EGLN3: variants seen among roughly 807,000 people sequenced by gnomAD.
The protein encoded by EGLN3 is prolyl hydroxylase EGLN3.
A neutral mutation model predicts 26.0 loss-of-function variants in EGLN3; 15 were observed. The observed-to-expected ratio is 0.58, with a 90% CI of 0.39 to 0.89. The LOEUF (loss-of-function observed/expected upper bound fraction) is 0.89. Among genes scored for constraint, EGLN3 ranks in the 40% least tolerant of loss-of-function variants. The pLI, the probability that EGLN3 is intolerant of heterozygous loss-of-function variation, is 0.00. For synonymous variants in EGLN3, 147 were observed against 127.2 expected (o/e 1.16, Z -1.05); for missense variants, 238 against 311.6 (o/e 0.76, Z 1.78).
At chr14:33,934,477 A>AAAC (rs1325433020) in intron 1 of EGLN3, among the ~76,000 whole-genome samples, 1 of 151,680 alleles carries the variant, frequency 6.6e-6, no homozygotes, top group Non-Finnish European at 1.5e-5. Context: ...AAAAAAAAAA[A>AAAC]AAAAACCTAT....
chr14:33,950,223 C>T (rs2064547380), intron 1 of EGLN3, 173 bp downstream of exon 1: 3 of 660,820 alleles, frequency 4.5e-6, no homozygotes, highest in Admixed American at 2.3e-5. Context: ...GACTTTCGCT[C>T]AGAGGAGCTG....
At chr14:33,947,142 G>A (rs1295720709) in intron 1 of EGLN3, among the ~76,000 whole-genome samples, 4 of 152,124 alleles carry the variant, frequency 2.6e-5, no homozygotes, top group Non-Finnish European at 4.4e-5. Flanking sequence ...TACATTCTCT[G>A]GAAAACAGCC....
intron 1 of EGLN3, chr14:33,949,848 G>GGCAGAA (rs1054441912): frequency 1.3e-4 from 22 of 173,382 alleles, no homozygotes; most frequent in African/African-American, 5.2e-4. Flanking sequence ...GGTCCCAGGG[G>GGCAGAA]GCAGAAGCAG....
At chr14:33,935,157 G>A (rs1260261790) in intron 1 of EGLN3, among the ~76,000 whole-genome samples, 1 of 152,196 alleles carries the variant, frequency 6.6e-6, no homozygotes, top group Non-Finnish European at 1.5e-5. Flanking sequence ...TCTGTAAAAT[G>A]GGTTTATGCA....
chr14:33,926,003 G>T, intron 4 of EGLN3, 81 bp from the exon 5 acceptor site: 1 of 1,414,654 alleles, frequency 7.1e-7, no homozygotes, highest in Non-Finnish European at 1.0e-6. Context: ...TCACCAAAAA[G>T]CCTCCAGTAA....
chr14:33,926,638 C>G (rs1463716430), intron 4 of EGLN3, among the ~76,000 whole-genome samples: 1 of 152,148 alleles, frequency 6.6e-6, no homozygotes, highest in Non-Finnish European at 1.5e-5. Context: ...CATTATATTT[C>G]CTTTGCAATA....
At position 33,924,473 on chromosome 14, in the gene EGLN3, A is replaced by G. The variant is rs917889995; in HGVS notation, c.*1418T>C. 2.0e-5 allele frequency: 3 copies of G among 152,208 alleles called. No individual in the cohort carries two copies. The highest frequency in any genetic ancestry group is 4.4e-5 in the Non-Finnish European group (3 of 68,044). 9.4% of individuals were successfully genotyped at this position (152,208 alleles called of 1,614,324 possible). A position where few individuals can be genotyped will look rare whatever the true frequency, so the allele number is the denominator to read the frequency against. On this transcript the variant is annotated 3_prime_UTR_variant, in exon 5 of 5. Coordinates refer to ENST00000250457, the MANE Select transcript of EGLN3 (RefSeq NM_022073.4). ...GAGCAGTCGTTGAGAATTAATGGTGACATGTCTTATCTGGAAATTTTCCAA... is the reference window on the plus strand; with the variant it reads ...GAGCAGTCGTTGAGAATTAATGGTGGCATGTCTTATCTGGAAATTTTCCAA...
chr14:33,930,592 T>A (rs1318090133), intron 2 of EGLN3, among the ~76,000 whole-genome samples: 2 of 152,202 alleles, frequency 1.3e-5, no homozygotes, highest in Non-Finnish European at 2.9e-5. Flanking sequence ...CACAAAGCCT[T>A]TGGCATTCAC....
intron 3 of EGLN3, among the ~76,000 whole-genome samples, chr14:33,927,595 A>G (rs2064371400): frequency 6.6e-6 from 1 of 152,188 alleles, no homozygotes; most frequent in Non-Finnish European, 1.5e-5. Flanking sequence ...CTGTGATCAG[A>G]TCTTCCTCTG....
chr14:33,930,294 G>A (rs974075403), intron 2 of EGLN3, among the ~76,000 whole-genome samples: 13 of 152,330 alleles, frequency 8.5e-5, no homozygotes, highest in Middle Eastern at 3.4e-3. Flanking sequence ...TTACCAAACA[G>A]GGAGAAGAGA....
chr14:33,925,755 G>T lies in EGLN3; in HGVS notation c.*136C>A. The T allele has an allele frequency of 2.1e-6, 2 of 966,310 alleles. No homozygotes were observed. The highest frequency in any genetic ancestry group is 2.0e-5 in the Admixed American group (1 of 50,064). The allele number at this position is 966,310 out of a possible 1,614,324, so 59.9% of individuals were successfully genotyped here. ...AGAAAACATGAAGTACCACACACAA[G>T]ACAGGGATGTGAAGGATGCAAGAAG... On this transcript the variant is annotated 3_prime_UTR_variant, in exon 5 of 5. Transcript: ENST00000250457.
rs1025296809 is a variant in EGLN3, at chr14:33,950,832, G to T, written c.-80C>A. 5.2e-6 allele frequency: 7 copies of T among 1,334,288 alleles called. No individual in the cohort carries two copies. The highest frequency in any genetic ancestry group is 4.4e-5 in the African/African-American group (3 of 68,578). 82.7% of individuals were successfully genotyped at this position (1,334,288 alleles called of 1,614,324 possible). ...ATCTACACGAGCGCGAAGCCGAGGC[G>T]CGGGGAGCGTGGCCCGGGGTTCAGA... On this transcript the variant is annotated 5_prime_UTR_variant, in exon 1 of 5. Transcript: ENST00000250457.
chr14:33,933,780 G>A (rs779319257), intron 1 of EGLN3, among the ~76,000 whole-genome samples: 3 of 151,786 alleles, frequency 2.0e-5, no homozygotes, highest in Admixed American at 6.6e-5. Context: ...ATTTGTGCAC[G>A]GGGCAGTAAC....
In EGLN3 at chr14:33,950,742, C is replaced by G; in HGVS notation, c.11G>C (p.Gly4Ala). Residue 4 changes from glycine to alanine, a missense_variant, in exon 1 of 5, where the codon GGA becomes GCA. By Grantham distance (60) the Gly-to-Ala change is moderately conservative. Coordinates refer to ENST00000250457, the MANE Select transcript of EGLN3 (RefSeq NM_022073.4). MPL[G>A]HIMRLDLEKI... The stretch of plus-strand genomic sequence containing the variant: ...CTCCAGGTCCAGCCTCATGATGTGT[C>G]CCAGGGGCATCTCGCCCGCAGAATC... The G allele has an allele frequency of 6.2e-7, 1 of 1,603,446 alleles. No homozygotes were observed. Among genetic ancestry groups the G allele is most frequent in the Non-Finnish European group, 8.5e-7 (1 of 1,171,920 alleles).
chr14:33,950,455 T>G lies in EGLN3; in HGVS notation c.298A>C (p.Arg100=). The G allele has an allele frequency of 6.2e-7, 1 of 1,613,626 alleles. No individual in the cohort carries two copies. Among genetic ancestry groups the G allele is most frequent in the Non-Finnish European group, 8.5e-7 (1 of 1,180,016 alleles). ...AISFLLSLID[R]LVLYCGSRLG... is the part of the protein sequence containing the mutation. The stretch of plus-strand genomic sequence containing the variant: ...CGGCTCCCGCAGTAGAGGACCAGCC[T>G]GTCGATGAGGGACAGGAGGAAGCTG... Residue 100 remains arginine (R), a synonymous_variant, in exon 1 of 5, where the codon AGG becomes CGG. Transcript: ENST00000250457.
chr14:33,939,285 A>G (rs1208845593), intron 1 of EGLN3, among the ~76,000 whole-genome samples: 1 of 151,020 alleles, frequency 6.6e-6, no homozygotes, highest in Non-Finnish European at 1.5e-5. Context: ...ATCTCGGCTC[A>G]CTGCAAGCTC....
intron 1 of EGLN3, among the ~76,000 whole-genome samples, chr14:33,940,598 T>A (rs2064475615): frequency 1.3e-5 from 2 of 152,104 alleles, no homozygotes; most frequent in Admixed American, 6.5e-5. Context: ...GGGGAGAAGA[T>A]GAAGAATCTG....
chr14:33,927,152 GATTTATTT>G lies in EGLN3; in HGVS notation c.615-127_615-120del, dbSNP rs59342816. The G allele has an allele frequency of 8.3e-3, 1,525 of 182,832 alleles. 22 individuals carry two copies. The highest frequency in any genetic ancestry group is 0.021 in the African/African-American group (855 of 40,774). 11.3% of individuals were successfully genotyped at this position (182,832 alleles called of 1,614,324 possible). A position where few individuals can be genotyped will look rare whatever the true frequency, so the allele number is the denominator to read the frequency against. On this transcript the variant is annotated intron_variant, in intron 3 of 4. Coordinates refer to ENST00000250457, the MANE Select transcript of EGLN3 (RefSeq NM_022073.4). Reference sequence around the variant, plus strand: ...TTCTCTATTATTAGAAGTCTACCCTGATTTATTTATTTATTTATTTATTTATTTATTTA... The same window carrying G: ...TTCTCTATTATTAGAAGTCTACCCTGATTTATTTATTTATTTATTTATTTA...
chr14:33,948,324 C>T (rs75290355), intron 1 of EGLN3: 1 of 152,264 alleles, frequency 6.6e-6, no homozygotes, highest in Non-Finnish European at 1.5e-5. Flanking sequence ...AAGCAAAGCA[C>T]ACTTAAAAAA....
Sources: gnomAD v4.1 joint callset for allele counts (sites outside exome capture counted in the v4.1 genomes callset) on GRCh38, gnomAD v4.1.1 for gene constraint, MANE v1.5 for transcripts, NCBI Gene and HGNC (gene_info 2026-07-23, HGNC 2026-07-21) for gene names.